FBXO15: variants seen among roughly 807,000 people sequenced by gnomAD.
FBXO15 encodes F-box protein 15, also known as F-box only protein 15.
Under a neutral mutation model 49.5 loss-of-function variants are expected in FBXO15, and 30 were observed. The observed-to-expected ratio is 0.61, with a 90% confidence interval of 0.45 to 0.82. FBXO15 has a LOEUF of 0.82. Ranked by LOEUF, FBXO15 falls within the 40% of genes least tolerant of loss-of-function variation. FBXO15 has a pLI of 0.00. For synonymous variants in FBXO15, 250 were observed against 232.7 expected (o/e 1.07, Z -0.68); for missense variants, 591 against 631.5 (o/e 0.94, Z 0.69).
At chr18:74,129,668 G>T in intron 4 of FBXO15, 54 bp from the exon 5 acceptor site, 3 of 1,362,470 alleles carry the variant, frequency 2.2e-6, no homozygotes, top group Non-Finnish European at 3.0e-6. Context: ...AAAAAAAAAT[G>T]CTAAAGGCAA....
chr18:74,119,108 G>T (rs893691094), intron 8 of FBXO15, among the ~76,000 whole-genome samples: 4 of 152,158 alleles, frequency 2.6e-5, no homozygotes, highest in African/African-American at 2.4e-5. Context: ...TCAGGCCCTC[G>T]CTGTCGCCTT....
chr18:74,081,868 G>T, intron 9 of FBXO15, 59 bp downstream of exon 9: 1 of 1,184,012 alleles, frequency 8.4e-7, no homozygotes, highest in Non-Finnish European at 1.2e-6. Context: ...TATATAAACA[G>T]ACTTTTTATT....
rs772715364 is a variant in FBXO15 at position 74,147,834 on chromosome 18, T to C, written c.-49A>G. 10 of 1,421,058 alleles carry C rather than the reference T, an allele frequency of 7.0e-6. No individual in the cohort carries two copies. The East Asian group carries it at 8.8e-5, about 12-fold the overall frequency. 88.0% of individuals were successfully genotyped at this position (1,421,058 alleles called of 1,614,324 possible). ...ACCGCGCCAGGGCTGAAACGAAGAG[T>C]GCACGCACCGCCCCCACGCCCGCAC... On this transcript the variant is annotated 5_prime_UTR_variant, in exon 1 of 10. Transcript: ENST00000419743.
chr18:74,092,939 G>A (rs1568160986), intron 8 of FBXO15, among the ~76,000 whole-genome samples: 1 of 152,074 alleles, frequency 6.6e-6, no homozygotes, highest in Non-Finnish European at 1.5e-5. Context: ...AAGGGGGTGG[G>A]GCAGAGAAGG....
chr18:74,138,567 T>G (rs1047553877), intron 2 of FBXO15, among the ~76,000 whole-genome samples: 7 of 151,992 alleles, frequency 4.6e-5, no homozygotes, highest in South Asian at 2.1e-4. Flanking sequence ...TTCCCCACCC[T>G]TTCCCTAAGC....
At chr18:74,082,372 T>A (rs1912540661) in intron 8 of FBXO15, among the ~76,000 whole-genome samples, 1 of 152,186 alleles carries the variant, frequency 6.6e-6, no homozygotes, top group Non-Finnish European at 1.5e-5. Flanking sequence ...TCTTCTGATG[T>A]GGGTAAGCCA....
chr18:74,104,571 G>C (rs1913663598), intron 8 of FBXO15, among the ~76,000 whole-genome samples: 1 of 152,034 alleles, frequency 6.6e-6, no homozygotes, highest in Admixed American at 6.6e-5. Flanking sequence ...TTACTGAAAT[G>C]AAAGGGTTAA....
chr18:74,137,159 G>A lies in FBXO15; in HGVS notation c.228-1293C>T, dbSNP rs114317372. ...CCAGAGACGTTCTGAGAGTTTAAAC[G>A]AAAAGCTTTGCTTAAGCATTAATTA... is the stretch of plus-strand genomic sequence containing the variant. On this transcript the variant is annotated intron_variant, in intron 2 of 9. Transcript: ENST00000419743. Among the ~76,000 whole-genome samples the A allele has an allele frequency of 9.1e-3, 1,387 of 152,172 alleles. 16 individuals carry two copies. The highest frequency in any genetic ancestry group is 0.032 in the African/African-American group (1,327 of 41,518).
intron 1 of FBXO15, among the ~76,000 whole-genome samples, chr18:74,141,883 G>T (rs958301764): frequency 1.8e-4 from 27 of 152,294 alleles, no homozygotes; most frequent in Non-Finnish European, 3.4e-4. Flanking sequence ...GTCTCCACAT[G>T]CTTCCAAGCA....
intron 8 of FBXO15, among the ~76,000 whole-genome samples, chr18:74,118,033 G>C (rs1249806669): frequency 6.6e-6 from 1 of 150,718 alleles, no homozygotes; most frequent in Non-Finnish European, 1.5e-5. Context: ...TTGAGACAGG[G>C]TCTTGCTCTG....
intron 5 of FBXO15, among the ~76,000 whole-genome samples, chr18:74,126,338 A>C (rs1328101471): frequency 2.0e-5 from 3 of 152,188 alleles, no homozygotes; most frequent in African/African-American, 7.2e-5. Context: ...CTGTCAACTC[A>C]ATGACCCAGC....
At chr18:74,144,379 T>C (rs980402383) in intron 1 of FBXO15, among the ~76,000 whole-genome samples, 2 of 151,912 alleles carry the variant, frequency 1.3e-5, no homozygotes, top group South Asian at 2.1e-4. Context: ...TCTTAGCATA[T>C]TGAATCTGTA....
At chr18:74,100,068 T>C (rs1913443106) in intron 8 of FBXO15, 1 of 152,194 alleles carries the variant, frequency 6.6e-6, no homozygotes, top group Non-Finnish European at 1.5e-5. Context: ...CAAATGGACA[T>C]AACAGATACT....
intron 8 of FBXO15, among the ~76,000 whole-genome samples, chr18:74,108,891 G>T (rs932409797): frequency 1.3e-5 from 2 of 152,114 alleles, no homozygotes; most frequent in African/African-American, 4.8e-5. Flanking sequence ...AGTAAGAAGA[G>T]AATACAGTAA....
intron 8 of FBXO15, among the ~76,000 whole-genome samples, chr18:74,094,924 T>C (rs1283821518): frequency 2.6e-5 from 4 of 152,256 alleles, no homozygotes; most frequent in African/African-American, 9.6e-5. Flanking sequence ...TGATCTTAAC[T>C]AGATCTTCCG....
intron 3 of FBXO15, among the ~76,000 whole-genome samples, chr18:74,134,801 G>A (rs1331859948): frequency 6.6e-6 from 1 of 152,092 alleles, no homozygotes; most frequent in African/African-American, 2.4e-5. Context: ...GAGAACCACT[G>A]CACTAAATGA....
rs115887295 is a variant in FBXO15 at position 74,074,656 on chromosome 18, T to C, written c.1264-926A>G. 1.3e-3 allele frequency among the ~76,000 whole-genome samples: 205 copies of C among 152,316 alleles called. No individual in the cohort carries two copies. The highest frequency in any genetic ancestry group is 4.8e-3 in the African/African-American group (199 of 41,560). On this transcript the variant is annotated intron_variant, in intron 9 of 9. Coordinates refer to ENST00000419743, the MANE Select transcript of FBXO15 (RefSeq NM_001142958.2). This position sits in a 1 kb window ranked among gnomAD's most constrained non-coding sequence, Gnocchi z 4.7. ...CTGCAAGCCATGACCTATTAATGTA[T>C]CCTGAAGTAAATTTAGCAGGACACA...
chr18:74,147,357 T>A (rs1264171930), intron 1 of FBXO15, among the ~76,000 whole-genome samples: 4 of 152,034 alleles, frequency 2.6e-5, no homozygotes, highest in Non-Finnish European at 5.9e-5. Flanking sequence ...ACACGTGAAT[T>A]TAGGGCACGC....
intron 3 of FBXO15, 135 bp downstream of exon 3, chr18:74,135,627 T>C: frequency 1.5e-6 from 1 of 670,728 alleles, no homozygotes; most frequent in Non-Finnish European, 2.5e-6. Flanking sequence ...AGTTAAAGCA[T>C]TTGACATTTC....
Sources: gnomAD v4.1 joint callset for allele counts (sites outside exome capture counted in the v4.1 genomes callset) on GRCh38, gnomAD v4.1.1 for gene constraint, Gnocchi (gnomAD v3.1) non-coding constraint, MANE v1.5 for transcripts, NCBI Gene and HGNC (gene_info 2026-07-23, HGNC 2026-07-21) for gene names.